CADM2: variants seen among roughly 807,000 people sequenced by gnomAD.
The protein encoded by CADM2 is cell adhesion molecule 2.
CADM2 carries 12 observed loss-of-function variants against 49.8 expected under a neutral mutation model. That is an observed-to-expected ratio of 0.24 (90% CI 0.15 to 0.39). The LOEUF is 0.39. CADM2 is among the 10% of genes least tolerant of loss of function. The pLI is 1.00. For missense variants in CADM2, 378 were observed against 492.3 expected (o/e 0.77, Z 2.20); for synonymous variants, 214 against 175.4 (o/e 1.22, Z -1.74).
intron 1 of CADM2, among the ~76,000 whole-genome samples, chr3:85,467,226 G>A (rs1002699974): frequency 2.0e-5 from 3 of 152,158 alleles, no homozygotes; most frequent in South Asian, 2.1e-4. Context: ...CTACTCCTTA[G>A]GTGACATAAC....
chr3:85,547,095 A>AT (rs74280455), intron 1 of CADM2, among the ~76,000 whole-genome samples: 1 of 42,978 alleles, frequency 2.3e-5, no homozygotes, highest in Non-Finnish European at 9.9e-5. Context: ...ATTTTGATGA[A>AT]TATATATATA....
rs567346450 is a variant in CADM2, at chr3:85,680,041, T to C, written c.62-46481T>C. Among the ~76,000 whole-genome samples the C allele has an allele frequency of 7.4e-4, 112 of 152,196 alleles. 4 individuals are homozygous for C. The South Asian group carries it at 0.022, about 30-fold the overall frequency. ...TATTATAAAGGAAATAAAAACCCTT[T>C]GAATACTAAGATTTTCTTTGGAAAG... On this transcript the variant is annotated intron_variant, in intron 1 of 9. Coordinates refer to ENST00000383699, the MANE Select transcript of CADM2 (RefSeq NM_001167675.2).
At chr3:85,866,851 A>T (rs2075741459) in intron 3 of CADM2, among the ~76,000 whole-genome samples, 1 of 152,126 alleles carries the variant, frequency 6.6e-6, no homozygotes, top group Admixed American at 6.6e-5. Flanking sequence ...ACGCAAACAC[A>T]CATATAACAC....
At chr3:85,799,978 C>A (rs1394791128) in intron 2 of CADM2, 1 of 152,322 alleles carries the variant, frequency 6.6e-6, no homozygotes, top group African/African-American at 2.4e-5. Context: ...GTTGAAGCTG[C>A]ACCCACAGCC....
At chr3:85,231,629 A>T (rs1456247919) in intron 1 of CADM2, among the ~76,000 whole-genome samples, 2 of 151,328 alleles carry the variant, frequency 1.3e-5, no homozygotes, top group East Asian at 3.9e-4. Context: ...ATATAGATGG[A>T]TAGTTTTTGT....
chr3:86,030,528 C>G (rs1287069070), intron 8 of CADM2, among the ~76,000 whole-genome samples: 4 of 151,922 alleles, frequency 2.6e-5, no homozygotes, highest in Admixed American at 2.6e-4. Flanking sequence ...ATGTCCATAT[C>G]ACAGAATGTG....
intron 1 of CADM2, among the ~76,000 whole-genome samples, chr3:85,086,525 T>C (rs1018374374): frequency 6.6e-5 from 10 of 150,434 alleles, no homozygotes; most frequent in African/African-American, 1.2e-4. Context: ...TTTTTTTTTT[T>C]TTTTGAGATG....
intron 1 of CADM2, among the ~76,000 whole-genome samples, chr3:85,520,961 A>G (rs1576708627): frequency 6.6e-6 from 1 of 152,196 alleles, no homozygotes; most frequent in East Asian, 1.9e-4. Flanking sequence ...AATTTATGCT[A>G]TTCCATAAAA....
At position 85,600,806 on chromosome 3, in the gene CADM2, T is replaced by G. The variant is rs2063369337; in HGVS notation, c.62-125716T>G. The stretch of plus-strand genomic sequence containing the variant: ...TACTCTATTAATACAGATTATTTGG[T>G]GTTGACTCTATAGAAATGTAAAGAT... On this transcript the variant is annotated intron_variant, in intron 1 of 9. Transcript: ENST00000383699. Among the ~76,000 whole-genome samples, 5 of 151,684 alleles carry G rather than the reference T, an allele frequency of 3.3e-5. No individual in the cohort carries two copies. The South Asian group carries it at 1.0e-3, about 31-fold the overall frequency.
intron 1 of CADM2, among the ~76,000 whole-genome samples, chr3:85,543,420 A>ATGTG (rs34654299): frequency 0.043 from 5,523 of 129,494 alleles, 226 homozygotes; most frequent in African/African-American, 0.11. Flanking sequence ...TGCCAAGCTA[A>ATGTG]TGTGTGTGTG....
chr3:85,910,687 AGAG>A (rs1203983158), intron 5 of CADM2, among the ~76,000 whole-genome samples: 2 of 152,108 alleles, frequency 1.3e-5, no homozygotes, highest in Non-Finnish European at 2.9e-5. Context: ...TCTAAATGTT[AGAG>A]ATTTTCTTAC....
intron 1 of CADM2, among the ~76,000 whole-genome samples, chr3:85,139,682 A>G (rs1005108736): frequency 1.3e-5 from 2 of 152,216 alleles, no homozygotes; most frequent in Non-Finnish European, 2.9e-5. Context: ...GTAATAGAAT[A>G]GTCAATGAAG....
At chr3:85,888,602 CTATCTATG>C (rs1171081187) in intron 5 of CADM2, among the ~76,000 whole-genome samples, 5 of 152,132 alleles carry the variant, frequency 3.3e-5, no homozygotes, top group Non-Finnish European at 5.9e-5. Context: ...ATCTATCTGT[CTATCTATG>C]TATCTATGTA....
At chr3:85,786,443 G>C (rs1261076687) in intron 2 of CADM2, among the ~76,000 whole-genome samples, 1 of 151,902 alleles carries the variant, frequency 6.6e-6, no homozygotes, top group Non-Finnish European at 1.5e-5. Context: ...GCACTACAAA[G>C]GGCTTGAACA....
intron 1 of CADM2, among the ~76,000 whole-genome samples, chr3:85,587,879 G>C (rs1413860677): frequency 1.3e-5 from 2 of 151,938 alleles, no homozygotes; most frequent in Non-Finnish European, 2.9e-5. Context: ...TGAGTAGCTG[G>C]AACTACAGAC....
chr3:85,726,492 T>C (rs1479746812), intron 1 of CADM2, 30 bp from the exon 2 acceptor site: 1 of 1,611,424 alleles, frequency 6.2e-7, no homozygotes, highest in Admixed American at 1.7e-5. Context: ...ATGTTTGTTC[T>C]CTTCTTGTGC....
At position 85,541,702 on chromosome 3, in the gene CADM2, ATATATATATTTTATAT is replaced by A. The variant is rs1275394703; in HGVS notation, c.62-184810_62-184795del. Among the ~76,000 whole-genome samples the A allele has an allele frequency of 5.7e-5, 8 of 139,774 alleles. No individual in the cohort carries two copies. The East Asian group carries it at 8.3e-4, about 15-fold the overall frequency. The allele number at this position is 139,774 out of a possible 152,430, so 91.7% of individuals were successfully genotyped here. A position where few individuals can be genotyped will look rare whatever the true frequency, so the allele number is the denominator to read the frequency against. On this transcript the variant is annotated intron_variant, in intron 1 of 9. Transcript: ENST00000383699. ...CTTGAATTGTTGAGGGAATTAAATT[ATATATATATTTTATAT>A]TATATATATATATTTTATATATATA...
chr3:85,126,989 T>C (rs564613311), intron 1 of CADM2, among the ~76,000 whole-genome samples: 1 of 152,262 alleles, frequency 6.6e-6, no homozygotes, highest in South Asian at 2.1e-4. Context: ...AAGTATCTGT[T>C]GAGAATATTA....
chr3:85,778,190 C>A (rs1420700929), intron 2 of CADM2, among the ~76,000 whole-genome samples: 1 of 152,036 alleles, frequency 6.6e-6, no homozygotes, highest in East Asian at 1.9e-4. Flanking sequence ...TCAAAAAATT[C>A]GCCTGTTGAA....
Sources: gnomAD v4.1 joint callset for allele counts (sites outside exome capture counted in the v4.1 genomes callset) on GRCh38, gnomAD v4.1.1 for gene constraint, MANE v1.5 for transcripts, NCBI Gene and HGNC (gene_info 2026-07-23, HGNC 2026-07-21) for gene names.